The following TLL1 variants were observed in gnomAD, a reference collection of about 807,000 sequenced individuals.
The protein encoded by TLL1 is tolloid like 1.
Under a neutral mutation model 128.2 loss-of-function variants are expected in TLL1, and 49 were observed. The observed-to-expected ratio is 0.38, with a 90% confidence interval of 0.30 to 0.48. The LOEUF (loss-of-function observed/expected upper bound fraction) is 0.48, where lower values mean the gene tolerates loss of function less well. TLL1 is among the 20% of genes least tolerant of loss of function. The pLI, the probability that TLL1 is intolerant of heterozygous loss-of-function variation, is 0.96. For synonymous variants in TLL1, 454 were observed against 418.8 expected, an observed-to-expected ratio of 1.08 and a Z score of -1.03; for missense variants, 1,123 against 1,242.0, an observed-to-expected ratio of 0.90 and a Z score of 1.44.
chr4:165,924,479 A>G (rs1043394592), intron 1 of TLL1, among the ~76,000 whole-genome samples: 3 of 152,218 alleles, frequency 2.0e-5, no homozygotes, highest in Non-Finnish European at 4.4e-5. Context: ...AACTCTATTC[A>G]AGGCTATGAA....
chr4:165,878,071 G>T (rs1730799695), intron 1 of TLL1, among the ~76,000 whole-genome samples: 1 of 152,080 alleles, frequency 6.6e-6, no homozygotes, highest in Admixed American at 6.6e-5. Flanking sequence ...TATAGTCAGT[G>T]CCCCAGTGTC....
intron 18 of TLL1, among the ~76,000 whole-genome samples, chr4:166,082,438 A>C (rs79544207): frequency 0.011 from 1,664 of 152,266 alleles, 31 homozygotes; most frequent in African/African-American, 0.037. Flanking sequence ...GACTTTCTGC[A>C]TGTAATGTAA....
chr4:166,073,889 G>T (rs1740902650), intron 16 of TLL1, among the ~76,000 whole-genome samples: 3 of 152,010 alleles, frequency 2.0e-5, no homozygotes, highest in Admixed American at 6.6e-5. Flanking sequence ...TTTGAATTCA[G>T]CCTAACTCCT....
At chr4:166,012,482 G>A (rs912165476) in intron 7 of TLL1, among the ~76,000 whole-genome samples, 2 of 150,222 alleles carry the variant, frequency 1.3e-5, no homozygotes, top group Non-Finnish European at 3.0e-5. Context: ...ACCTTTTTTT[G>A]GAAGTTAGGA....
At chr4:166,077,873 C>A (rs774300889) in intron 17 of TLL1, 30 bp from the exon 18 acceptor site, 1 of 1,612,564 alleles carries the variant, frequency 6.2e-7, no homozygotes, top group Non-Finnish European at 8.5e-7. Flanking sequence ...TGGATTGCCA[C>A]ACTGTCTGAT....
chr4:166,081,277 C>G lies in TLL1; in HGVS notation c.2442+3247C>G, dbSNP rs1463131589. ...TCCTCTGCCTCCAGTGGGTCTGTAC[C>G]TTTGTCGTAGGGGTGGCAGGGTTTT... On this transcript the variant is annotated intron_variant, in intron 18 of 20. Coordinates refer to ENST00000061240, the MANE Select transcript of TLL1 (RefSeq NM_012464.5). Among the ~76,000 whole-genome samples, 3 of 152,158 alleles carry G rather than the reference C, an allele frequency of 2.0e-5. No individual in the cohort carries two copies. The East Asian group carries it at 5.8e-4, about 29-fold the overall frequency.
At chr4:166,015,966 T>C (rs962001465) in intron 8 of TLL1, among the ~76,000 whole-genome samples, 2 of 152,034 alleles carry the variant, frequency 1.3e-5, no homozygotes, top group Admixed American at 6.6e-5. Context: ...TATGTAAAAC[T>C]TTTTGCATCA....
intron 18 of TLL1, among the ~76,000 whole-genome samples, chr4:166,089,566 T>A (rs1180396623): frequency 1.3e-5 from 2 of 152,124 alleles, no homozygotes; most frequent in Non-Finnish European, 2.9e-5. Context: ...CTGCTTTGCA[T>A]GTTGTGCTTC....
chr4:166,010,515 G>T (rs1421242780), intron 7 of TLL1, among the ~76,000 whole-genome samples: 1 of 150,440 alleles, frequency 6.6e-6, no homozygotes, highest in Non-Finnish European at 1.5e-5. Context: ...GAAGTTCTTT[G>T]TATATTCTGA....
At chr4:166,046,164 A>C (rs1452895675) in intron 12 of TLL1, among the ~76,000 whole-genome samples, 1 of 152,226 alleles carries the variant, frequency 6.6e-6, no homozygotes, top group East Asian at 1.9e-4. Flanking sequence ...ATAGATGAGA[A>C]AAATGGATGG....
At chr4:165,993,175 A>G (rs1404039927) in intron 3 of TLL1, among the ~76,000 whole-genome samples, 1 of 152,128 alleles carries the variant, frequency 6.6e-6, no homozygotes, top group African/African-American at 2.4e-5. Context: ...CATCACACCA[A>G]GGTATTTTTA....
chr4:165,877,572 C>A (rs1352429612), intron 1 of TLL1, among the ~76,000 whole-genome samples: 3 of 152,188 alleles, frequency 2.0e-5, no homozygotes, highest in South Asian at 2.1e-4. Context: ...AAATGTGAAT[C>A]TGAGTATTAA....
intron 18 of TLL1, among the ~76,000 whole-genome samples, chr4:166,087,546 A>G (rs1741580846): frequency 6.6e-6 from 1 of 152,150 alleles, no homozygotes; most frequent in Non-Finnish European, 1.5e-5. Context: ...TCTAAAGCTT[A>G]TCTTACAGTT....
At chr4:166,025,202 A>C in intron 8 of TLL1, 114 bp from the exon 9 acceptor site, 4 of 734,904 alleles carry the variant, frequency 5.4e-6, no homozygotes, top group Non-Finnish European at 9.5e-6. Context: ...TCTTCTATAA[A>C]AGACAAACAT....
intron 10 of TLL1, 57 bp downstream of exon 10, chr4:166,039,498 A>G: frequency 7.9e-7 from 1 of 1,268,210 alleles, no homozygotes. Context: ...CGTCCAAAAA[A>G]ACCAACCGAT....
intron 5 of TLL1, among the ~76,000 whole-genome samples, chr4:166,002,279 CA>C (rs962112799): frequency 6.6e-6 from 1 of 152,066 alleles, no homozygotes. Flanking sequence ...TCCTGATCCT[CA>C]AATCACCTTC....
At chr4:166,098,298 G>GC (rs11398432) in intron 19 of TLL1, among the ~76,000 whole-genome samples, 8,465 of 131,224 alleles carry the variant, frequency 0.065, 607 homozygotes, top group African/African-American at 0.19. Context: ...TCACGCCACT[G>GC]CACACCAGCC....
intron 18 of TLL1, among the ~76,000 whole-genome samples, chr4:166,086,265 G>A (rs950197649): frequency 2.0e-5 from 3 of 151,934 alleles, no homozygotes; most frequent in Non-Finnish European, 2.9e-5. Flanking sequence ...GATTTTTATC[G>A]AGACTTAGGC....
intron 1 of TLL1, among the ~76,000 whole-genome samples, chr4:165,981,800 A>G (rs1197947677): frequency 1.3e-5 from 2 of 152,004 alleles, no homozygotes; most frequent in Admixed American, 1.3e-4. Context: ...CCTTTAGTAA[A>G]TGTTTTCTTT....
Sources: allele counts gnomAD v4.1 joint callset (sites outside exome capture counted in the v4.1 genomes callset), GRCh38; gene constraint gnomAD v4.1.1; transcripts MANE v1.5; gene names NCBI Gene and HGNC (gene_info 2026-07-23, HGNC 2026-07-21).